DYSF: variants seen among roughly 807,000 people sequenced by gnomAD.
DYSF encodes the protein dysferlin.
A neutral mutation model predicts 274.9 loss-of-function variants in DYSF; 212 were observed. That is an observed-to-expected ratio of 0.77 (90% CI 0.69 to 0.86). The LOEUF is 0.86. DYSF is among the 40% of genes least tolerant of loss of function. The probability of loss-of-function intolerance (pLI) is 0.00; values close to 1 mark genes in which losing one functional copy is unlikely to be tolerated. For missense variants in DYSF, 2,666 were observed against 2,783.2 expected (o/e 0.96, Z 0.95); for synonymous variants, 1,091 against 1,078.7 (o/e 1.01, Z -0.22).
At chr2:71,629,171 C>T (rs2094268814) in intron 41 of DYSF, among the ~76,000 whole-genome samples, 1 of 152,070 alleles carries the variant, frequency 6.6e-6, no homozygotes, top group Non-Finnish European at 1.5e-5. Flanking sequence ...TGCACTCTGG[C>T]TAATTTCTGA....
At chr2:71,519,226 C>G (rs940564830) in intron 10 of DYSF, among the ~76,000 whole-genome samples, 12 of 149,294 alleles carry the variant, frequency 8.0e-5, no homozygotes, top group African/African-American at 2.7e-4. Flanking sequence ...AGATAAAAAA[C>G]TAAGTCTGTT....
chr2:71,616,193 C>T lies in DYSF; in HGVS notation c.4464+2783C>T, dbSNP rs950340282. 5.3e-5 allele frequency among the ~76,000 whole-genome samples: 8 copies of T among 151,980 alleles called. No individual in the cohort carries two copies. The East Asian group carries it at 7.7e-4, about 15-fold the overall frequency. On this transcript the variant is annotated intron_variant, in intron 40 of 55. Transcript: ENST00000410020. The stretch of plus-strand genomic sequence containing the variant: ...TTTCTAGAAATGTTTTGGTTTGTGT[C>T]GAGAGTGGCCAATTCTGGAGGTGAC...
intron 40 of DYSF, among the ~76,000 whole-genome samples, chr2:71,618,395 G>GGGGTAGAGT (rs1408948441): frequency 2.4e-5 from 3 of 123,536 alleles, no homozygotes; most frequent in Non-Finnish European, 3.5e-5. Flanking sequence ...GGTGGTGTGT[G>GGGGTAGAGT]TGTGTGTGGT....
chr2:71,666,169 G>A (rs372650021), intron 47 of DYSF, among the ~76,000 whole-genome samples: 5 of 151,888 alleles, frequency 3.3e-5, no homozygotes, highest in Non-Finnish European at 7.4e-5. Context: ...ATCTGTTTTC[G>A]GGGGAGTCTC....
At chr2:71,511,046 G>C (rs1057022915) in intron 4 of DYSF, among the ~76,000 whole-genome samples, 8 of 152,252 alleles carry the variant, frequency 5.3e-5, no homozygotes, top group Non-Finnish European at 1.2e-4. Flanking sequence ...GCCGGGACAG[G>C]GCTCAGGCAG....
intron 40 of DYSF, among the ~76,000 whole-genome samples, chr2:71,617,772 T>G (rs2093928770): frequency 2.5e-5 from 2 of 79,510 alleles, no homozygotes; most frequent in African/African-American, 5.4e-5. Context: ...GTGTGTGTGG[T>G]AGAGGTGGTG....
chr2:71,662,529 CGT>C (rs993298824), intron 45 of DYSF, among the ~76,000 whole-genome samples: 2 of 147,240 alleles, frequency 1.4e-5, no homozygotes, highest in African/African-American at 5.0e-5. Context: ...TGTCTGTGTT[CGT>C]GTGTCTGTGT....
chr2:71,665,576 A>T (rs2094984945), intron 47 of DYSF, among the ~76,000 whole-genome samples: 1 of 152,154 alleles, frequency 6.6e-6, no homozygotes, highest in Non-Finnish European at 1.5e-5. Flanking sequence ...CGAGGGCAAG[A>T]TCAGAGGTGA....
chr2:71,525,247 G>A (rs1051497528), intron 12 of DYSF, among the ~76,000 whole-genome samples: 1 of 151,938 alleles, frequency 6.6e-6, no homozygotes, highest in Non-Finnish European at 1.5e-5. Context: ...GGGGGCGGGG[G>A]GCGGTCTCAC....
At chr2:71,626,447 CAT>C (rs3079124) in intron 41 of DYSF, among the ~76,000 whole-genome samples, 1 of 149,694 alleles carries the variant, frequency 6.7e-6, no homozygotes, top group Non-Finnish European at 1.5e-5. Context: ...AATATATTTA[CAT>C]ATGTTAATTA....
chr2:71,536,645 C>T (rs745419125), intron 16 of DYSF, among the ~76,000 whole-genome samples: 2 of 152,186 alleles, frequency 1.3e-5, no homozygotes, highest in Non-Finnish European at 2.9e-5. Flanking sequence ...TCAAAGGCAT[C>T]GGCGTACTGT....
intron 4 of DYSF, among the ~76,000 whole-genome samples, chr2:71,510,707 G>A (rs1448387920): frequency 6.6e-6 from 1 of 152,338 alleles, no homozygotes; most frequent in East Asian, 1.9e-4. Flanking sequence ...TCATTCAGCA[G>A]AAAGGTCCAG....
At chr2:71,683,767 G>A (rs1311254580) in intron 55 of DYSF, among the ~76,000 whole-genome samples, 2 of 152,260 alleles carry the variant, frequency 1.3e-5, no homozygotes, top group Non-Finnish European at 2.9e-5. Flanking sequence ...CAGACAGGCT[G>A]CTTGGGGAAC....
chr2:71,512,514 G>A (rs2086202689), intron 5 of DYSF, among the ~76,000 whole-genome samples: 1 of 152,192 alleles, frequency 6.6e-6, no homozygotes, highest in African/African-American at 2.4e-5. Context: ...TAAGTGCTGT[G>A]CCTGTCTCAG....
intron 1 of DYSF, among the ~76,000 whole-genome samples, chr2:71,461,136 T>C (rs1453547500): frequency 6.6e-6 from 1 of 151,986 alleles, no homozygotes; most frequent in Non-Finnish European, 1.5e-5. Context: ...AATACCTGGG[T>C]CACTAAGACA....
At position 71,570,732 on chromosome 2, in the gene DYSF, A is replaced by C. The variant is rs1353352875; in HGVS notation, c.3219A>C (p.Ala1073=). Residue 1073 remains alanine, a synonymous_variant, in exon 29 of 56, where the codon GCA becomes GCC. Transcript: ENST00000410020. ...GGAGGGATCTCAGCCAAATGGAAGC[A>C]CTGAAAAGGGTGAGCCAGCAGGTGG... ...LRRRDLSQME[A]LKRHRQAEAE... is the part of the protein sequence containing the mutation. The C allele has an allele frequency of 6.2e-7, 1 of 1,613,904 alleles. No homozygotes were observed. Among genetic ancestry groups the C allele is most frequent in the Admixed American group, 1.7e-5 (1 of 60,012 alleles).
rs1197887087 is a variant in DYSF, at chr2:71,535,786, CACG to C, written c.1493+476_1493+478del. ...ACCAGATTGCCTGAGCAGGGGACAC[CACG>C]GCAGCTGTGCAGCAGGTGAGGACAG... On this transcript the variant is annotated intron_variant, in intron 16 of 55. Coordinates refer to ENST00000410020, the MANE Select transcript of DYSF (RefSeq NM_001130987.2). Among the ~76,000 whole-genome samples, 3 of 152,188 alleles carry C rather than the reference CACG, an allele frequency of 2.0e-5. No individual in the cohort carries two copies. The East Asian group carries it at 5.8e-4, about 29-fold the overall frequency.
At position 71,526,385 on chromosome 2, in the gene DYSF, G is replaced by A. The variant is rs375636962; in HGVS notation, c.1276+39G>A. 1.1e-4 allele frequency: 173 copies of A among 1,601,916 alleles called. No homozygotes were observed. The African/African-American group carries it at 2.1e-3, about 19-fold the overall frequency. On this transcript the variant is annotated intron_variant, in intron 13 of 55. Coordinates refer to ENST00000410020, the MANE Select transcript of DYSF (RefSeq NM_001130987.2). Reference sequence around the variant, plus strand: ...GCCCTTGGGTGGGAGGTCTGCAGGAGGCTGGAGGCGCAGGGCTGGTGGGGG... The same window carrying A: ...GCCCTTGGGTGGGAGGTCTGCAGGAAGCTGGAGGCGCAGGGCTGGTGGGGG...
intron 12 of DYSF, 142 bp from the exon 13 acceptor site, chr2:71,526,078 C>T: frequency 6.8e-7 from 1 of 1,461,780 alleles, no homozygotes; most frequent in South Asian, 1.2e-5. Flanking sequence ...TGCCCGAGAC[C>T]ACGCGGTAGT....
Sources: gnomAD v4.1 joint callset for allele counts (sites outside exome capture counted in the v4.1 genomes callset) on GRCh38, gnomAD v4.1.1 for gene constraint, MANE v1.5 for transcripts, NCBI Gene and HGNC (gene_info 2026-07-23, HGNC 2026-07-21) for gene names.